ANHX: variants seen among roughly 807,000 people sequenced by gnomAD.
ANHX encodes anomalous homeobox, also known as anomalous homeobox protein.
In ANHX, 20 loss-of-function variants were observed where a neutral mutation model predicts 38.9. That is an observed-to-expected ratio of 0.51 (90% CI 0.36 to 0.75). ANHX has a LOEUF of 0.75. Among genes scored for constraint, ANHX ranks in the 30% least tolerant of loss-of-function variants. The probability of loss-of-function intolerance (pLI) is 0.00; values close to 1 mark genes in which losing one functional copy is unlikely to be tolerated. For missense variants in ANHX, 475 were observed against 493.1 expected (o/e 0.96, Z 0.35); for synonymous variants, 185 against 203.1 (o/e 0.91, Z 0.76).
chr12:133,234,019 G>T, intron 2 of ANHX, 89 bp downstream of exon 2: 2 of 1,463,966 alleles, frequency 1.4e-6, no homozygotes, highest in Admixed American at 2.2e-5. Context: ...ACTAACTCCT[G>T]GGTACTGCTG....
chr12:133,231,697 T>G (rs1957280862), intron 2 of ANHX, 53 bp from the exon 3 acceptor site: 2 of 1,529,950 alleles, frequency 1.3e-6, no homozygotes, highest in Non-Finnish European at 1.7e-6. Flanking sequence ...TGGAGCACTG[T>G]TGGGACCTGC....
At chr12:133,232,398 G>A (rs979548606) in intron 2 of ANHX, among the ~76,000 whole-genome samples, 2 of 152,200 alleles carry the variant, frequency 1.3e-5, no homozygotes, top group Non-Finnish European at 2.9e-5. Flanking sequence ...CCTGGCGAGG[G>A]AGGTGCTGAG....
chr12:133,227,372 G>A (rs1367549561), intron 4 of ANHX, among the ~76,000 whole-genome samples: 2 of 152,240 alleles, frequency 1.3e-5, no homozygotes, highest in African/African-American at 4.8e-5. Flanking sequence ...AGGTCAGGCT[G>A]TCTGCACAGC....
intron 5 of ANHX, 97 bp from the exon 6 acceptor site, chr12:133,226,535 G>T (rs1957191965): frequency 1.4e-6 from 2 of 1,424,724 alleles, no homozygotes; most frequent in East Asian, 5.0e-5. Flanking sequence ...GGAAAAGGCT[G>T]TTGCCATGGG....
chr12:133,227,754 G>A lies in ANHX; in HGVS notation c.501+70C>T, dbSNP rs1412196198. 4.6e-6 allele frequency: 7 copies of A among 1,512,918 alleles called. No individual in the cohort carries two copies. In the African/African-American group the frequency reaches 6.9e-5, roughly 15 times the overall value. The allele number at this position is 1,512,918 out of a possible 1,614,324, so 93.7% of individuals were successfully genotyped here. On this transcript the variant is annotated intron_variant, in intron 4 of 9. Coordinates refer to ENST00000545940, the MANE Select transcript of ANHX (RefSeq NM_001372060.1). ...GAGGCCACTGAGGAGCCTGGGGTGG[G>A]GGTACCCCTTGGGGGACAGGGAGGC... is the stretch of plus-strand genomic sequence containing the variant.
At chr12:133,232,726 T>C (rs1327386467) in intron 2 of ANHX, among the ~76,000 whole-genome samples, 2 of 152,214 alleles carry the variant, frequency 1.3e-5, no homozygotes, top group Non-Finnish European at 2.9e-5. Context: ...TGCCAGTGGT[T>C]GCCTTCACGG....
intron 4 of ANHX, among the ~76,000 whole-genome samples, 198 bp from the exon 5 acceptor site, chr12:133,227,350 G>A (rs2135564133): frequency 6.6e-6 from 1 of 152,344 alleles, no homozygotes; most frequent in South Asian, 2.1e-4. Context: ...CATCCCCTGA[G>A]CAGTGAGGCC....
rs527827889 is a variant in ANHX at position 133,224,458 on chromosome 12, T to C, written c.1132+1078A>G. ...GGGTGGATCCCTTGAGTTCAGGAGT[T>C]TGAGACCAGCCTGGCTAACATGGTG... On this transcript the variant is annotated intron_variant, in intron 7 of 9. Coordinates refer to ENST00000545940, the MANE Select transcript of ANHX (RefSeq NM_001372060.1). 1.9e-3 allele frequency among the ~76,000 whole-genome samples: 271 copies of C among 142,696 alleles called. 2 individuals carry two copies. The highest frequency in any genetic ancestry group is 6.8e-3 in the African/African-American group (257 of 38,040). The allele number at this position is 142,696 out of a possible 152,430, so 93.6% of individuals were successfully genotyped here.
At position 133,226,448 on chromosome 12, in the gene ANHX, A is replaced by G. The variant is rs905657472; in HGVS notation, c.719-10T>C. ...TTTTCCTCACGTTCCTCTGAAAGTG[A>G]TGAGATGGGAGGGGAGACTTAGTGA... On this transcript the variant is annotated splice_polypyrimidine_tract_variant and intron_variant, in intron 5 of 9. Coordinates refer to ENST00000545940, the MANE Select transcript of ANHX (RefSeq NM_001372060.1). 4.6e-6 allele frequency: 7 copies of G among 1,531,374 alleles called. No homozygotes were observed. In the Admixed American group the frequency reaches 1.4e-4, roughly 30 times the overall value. The allele number at this position is 1,531,374 out of a possible 1,614,324, so 94.9% of individuals were successfully genotyped here. A position where few individuals can be genotyped will look rare whatever the true frequency, so the allele number is the denominator to read the frequency against.
intron 3 of ANHX, 35 bp from the exon 4 acceptor site, chr12:133,227,982 G>A (rs1957212901): frequency 2.6e-6 from 4 of 1,533,930 alleles, no homozygotes; most frequent in South Asian, 2.4e-5. Context: ...GTAACAGACA[G>A]GACCCCTCCA....
At position 133,224,975 on chromosome 12, in the gene ANHX, AAAC is replaced by A. The variant is rs766004393; in HGVS notation, c.1132+558_1132+560del. On this transcript the variant is annotated intron_variant, in intron 7 of 9. Coordinates refer to ENST00000545940, the MANE Select transcript of ANHX (RefSeq NM_001372060.1). ...AAGACTCCGTCTCAAAAAAAAAAAA[AAAC>A]AAAAACAAAAAAGAAAGAAAGAAAT... 3.9e-4 allele frequency among the ~76,000 whole-genome samples: 59 copies of A among 151,030 alleles called. 2 individuals are homozygous for A. The highest frequency in any genetic ancestry group is 9.8e-4 in the African/African-American group (40 of 40,802).
intron 4 of ANHX, 111 bp from the exon 5 acceptor site, chr12:133,227,263 G>A: frequency 8.4e-7 from 1 of 1,185,406 alleles, no homozygotes; most frequent in East Asian, 2.6e-5. Flanking sequence ...TGACAGCCCA[G>A]CCTAACCTCT....
chr12:133,232,380 T>C (rs1394195716), intron 2 of ANHX, among the ~76,000 whole-genome samples: 1 of 57,902 alleles, frequency 1.7e-5, no homozygotes, highest in Admixed American at 2.4e-4. Context: ...CGATGCTGCC[T>C]GGACCATCCT....
At chr12:133,227,210 T>A in intron 4 of ANHX, 58 bp from the exon 5 acceptor site, 1 of 1,484,720 alleles carries the variant, frequency 6.7e-7, no homozygotes, top group Non-Finnish European at 9.0e-7. Context: ...ACAGGGGGTG[T>A]GCAGAAGTGG....
Position 133,219,274 on chromosome 12 carries a change from A to T in ANHX, c.1365+9T>A, listed in dbSNP as rs1957076284. ...AGGGAATCCTTCAGTGCTCATAGGG[A>T]AGCCTCACCTGGCTGGAGGGCAGGG... On this transcript the variant is annotated intron_variant, in intron 9 of 9. Transcript: ENST00000545940. 6.5e-7 allele frequency: 1 copy of T among 1,533,522 alleles called. No homozygotes were observed. The highest frequency in any genetic ancestry group is 8.7e-7 in the Non-Finnish European group (1 of 1,145,550). 95.0% of individuals were successfully genotyped at this position (1,533,522 alleles called of 1,614,324 possible).
chr12:133,235,029 G>C (rs921483866), intron 1 of ANHX: 1 of 152,428 alleles, frequency 6.6e-6, no homozygotes, highest in Non-Finnish European at 1.5e-5. Flanking sequence ...CCTCACAGCC[G>C]CGAAGAACCA....
chr12:133,234,515 C>G, intron 1 of ANHX, 137 bp from the exon 2 acceptor site: 1 of 975,904 alleles, frequency 1.0e-6, no homozygotes, highest in Non-Finnish European at 1.5e-6. Flanking sequence ...AATAAGACCT[C>G]ACACATCCCG....
intron 3 of ANHX, among the ~76,000 whole-genome samples, chr12:133,229,397 A>G (rs924130126): frequency 6.6e-6 from 1 of 152,174 alleles, no homozygotes; most frequent in African/African-American, 2.4e-5. Flanking sequence ...GAATCCCAAA[A>G]GAACTCCATC....
rs1274962070 is a variant in ANHX, at chr12:133,227,866, A to G, written c.459T>C (p.Asn153=). ...GGTTGGTGTTCACCCCCACAGCGAAATTGTGCAGCTTCTCACGAACCTCTC... is the reference window on the plus strand; with the variant it reads ...GGTTGGTGTTCACCCCCACAGCGAAGTTGTGCAGCTTCTCACGAACCTCTC... ...FPREVREKLH[N]FAVGVNTNPS... Residue 153 remains asparagine, a synonymous_variant, in exon 4 of 10, where the codon AAT becomes AAC. Transcript: ENST00000545940. The G allele has an allele frequency of 7.1e-7, 1 of 1,415,998 alleles. No individual in the cohort carries two copies. The highest frequency in any genetic ancestry group is 1.5e-5 in the African/African-American group (1 of 66,998). 87.7% of individuals were successfully genotyped at this position (1,415,998 alleles called of 1,614,324 possible). A position where few individuals can be genotyped will look rare whatever the true frequency, so the allele number is the denominator to read the frequency against.
Sources: allele counts gnomAD v4.1 joint callset (sites outside exome capture counted in the v4.1 genomes callset), GRCh38; gene constraint gnomAD v4.1.1; transcripts MANE v1.5; gene names NCBI Gene and HGNC (gene_info 2026-07-23, HGNC 2026-07-21).